The following ADAMTS13 variants were observed in gnomAD, a reference collection of about 807,000 sequenced individuals.
ADAMTS13 encodes A disintegrin and metalloproteinase with thrombospondin motifs 13.
Under a neutral mutation model 155.1 loss-of-function variants are expected in ADAMTS13, and 110 were observed. The ratio of observed to expected loss-of-function variants is 0.71; its 90% CI spans 0.61 to 0.83. ADAMTS13 has a LOEUF of 0.83. Among genes scored for constraint, ADAMTS13 ranks in the 40% least tolerant of loss-of-function variants. The pLI is 0.00. For missense variants in ADAMTS13, 1,707 were observed against 1,891.7 expected (o/e 0.90, Z 1.81); for synonymous variants, 758 against 756.4 (o/e 1.00, Z -0.03).
At chr9:133,455,176 T>C in intron 24 of ADAMTS13, 109 bp from the exon 25 acceptor site, 1 of 1,275,060 alleles carries the variant, frequency 7.8e-7, no homozygotes, top group South Asian at 1.3e-5. Context: ...CTTAACTGCC[T>C]CCCAGCTTGT....
intron 19 of ADAMTS13, 54 bp downstream of exon 19, chr9:133,443,615 C>T: frequency 2.0e-6 from 3 of 1,472,026 alleles, no homozygotes; most frequent in Non-Finnish European, 2.7e-6. Context: ...AGAGCTCGTC[C>T]CTGCGCTGAG....
intron 13 of ADAMTS13, 114 bp downstream of exon 13, chr9:133,438,011 G>A: frequency 6.4e-7 from 1 of 1,563,848 alleles, no homozygotes; most frequent in East Asian, 2.2e-5. Flanking sequence ...CCCTCTGCAG[G>A]GGAGTGGTGC....
Position 133,459,157 on chromosome 9 carries a change from TGGAAGGGAAA to T in ADAMTS13, c.4100_4109del (p.Gly1367GlufsTer6), listed in dbSNP as rs1300368076. 1.4e-5 allele frequency: 22 copies of T among 1,611,826 alleles called. No individual in the cohort carries two copies. The highest frequency in any genetic ancestry group is 4.5e-5 in the East Asian group (2 of 44,862). On this transcript the variant is annotated frameshift_variant, in exon 29 of 29. Coordinates refer to ENST00000355699, the MANE Select transcript of ADAMTS13 (RefSeq NM_139027.6). LOFTEE classifies it high-confidence loss of function. ...ACCGGAGATGCAGGACCCTCAGTCCTGGAAGGGAAAGGAAGGAACCTGAGGGTCATTGAAC... is the reference window on the plus strand; with the variant it reads ...ACCGGAGATGCAGGACCCTCAGTCCTGGAAGGAACCTGAGGGTCATTGAAC...
chr9:133,457,948 G>A lies in ADAMTS13; in HGVS notation c.3763G>A (p.Val1255Met), dbSNP rs782025840. Residue 1255 changes from valine (V) to methionine (M), a missense_variant, in exon 28 of 29, where the codon GTG (valine) becomes ATG (methionine). By Grantham distance (21) the Val-to-Met change is conservative. Around this residue, in one of 3 missense-constraint regions of ADAMTS13, gnomAD observed 961 missense variants for 1,107.9 expected, o/e 0.87. Coordinates refer to ENST00000355699, the MANE Select transcript of ADAMTS13 (RefSeq NM_139027.6). Reference sequence around the variant, plus strand: ...GCTCTTTGGGCCCTGGGGTGAAATCGTGAGCCCCTCGCTGAGTCCAGCCAC... The same window carrying A: ...GCTCTTTGGGCCCTGGGGTGAAATCATGAGCCCCTCGCTGAGTCCAGCCAC... ...MQLFGPWGEI[V>M]SPSLSPATSN... The A allele has an allele frequency of 9.9e-6, 16 of 1,613,694 alleles. No homozygotes were observed. The highest frequency in any genetic ancestry group is 2.7e-5 in the African/African-American group (2 of 74,944).
intron 12 of ADAMTS13, 41 bp from the exon 13 acceptor site, chr9:133,437,708 C>T (rs1841342980): frequency 6.8e-6 from 11 of 1,613,038 alleles, no homozygotes; most frequent in Non-Finnish European, 9.3e-6. Flanking sequence ...CTTGCCCCTC[C>T]TGCTCGGTTC....
intron 22 of ADAMTS13, among the ~76,000 whole-genome samples, chr9:133,449,370 G>A (rs148949656): frequency 6.6e-6 from 1 of 151,932 alleles, no homozygotes; most frequent in Non-Finnish European, 1.5e-5. Flanking sequence ...AATAGGACAG[G>A]CGGGGAATGC....
chr9:133,414,441 C>A, exon 1 of ADAMTS13: 1 of 694,956 alleles, frequency 1.4e-6, no homozygotes, highest in South Asian at 1.5e-5. Flanking sequence ...TGTACTGGCA[C>A]CCACTAAATG....
chr9:133,442,288 C>T (rs764344419), intron 16 of ADAMTS13, 111 bp from the exon 17 acceptor site: 2 of 1,552,610 alleles, frequency 1.3e-6, no homozygotes, highest in Non-Finnish European at 1.8e-6. Flanking sequence ...GCTTGCTGAA[C>T]GAAAGATTAT....
chr9:133,428,620 C>T lies in ADAMTS13; in HGVS notation c.687-14C>T. On this transcript the variant is annotated splice_polypyrimidine_tract_variant and intron_variant, in intron 6 of 28. Transcript: ENST00000355699. ...TGCCGGCCGCCTTAGCGCAACTCCC[C>T]GCCCCCCGACCAGCTTCGGCCTGGA... is the stretch of plus-strand genomic sequence containing the variant. The T allele has an allele frequency of 1.5e-6, 2 of 1,295,918 alleles. No individual in the cohort carries two copies. Among genetic ancestry groups the T allele is most frequent in the Non-Finnish European group, 2.0e-6 (2 of 1,020,346 alleles). 80.3% of individuals were successfully genotyped at this position (1,295,918 alleles called of 1,614,324 possible).
chr9:133,438,811 G>T (rs1300500223), intron 14 of ADAMTS13, among the ~76,000 whole-genome samples: 1 of 151,866 alleles, frequency 6.6e-6, no homozygotes, highest in East Asian at 1.9e-4. Flanking sequence ...CTACTCAGGA[G>T]GCTGAGGCAG....
intron 27 of ADAMTS13, among the ~76,000 whole-genome samples, 195 bp from the exon 28 acceptor site, chr9:133,457,715 C>T (rs587677914): frequency 2.0e-5 from 3 of 152,348 alleles, no homozygotes; most frequent in Admixed American, 6.5e-5. Context: ...GGAACCAGAG[C>T]CCAGAACATT....
At chr9:133,429,669 G>C (rs1440800613) in intron 7 of ADAMTS13, 3 of 657,384 alleles carry the variant, frequency 4.6e-6, no homozygotes, top group Non-Finnish European at 8.4e-6. Context: ...CCGCTCCCGG[G>C]CCTAACCTGC....
chr9:133,457,417 G>A (rs1842814818), intron 27 of ADAMTS13, among the ~76,000 whole-genome samples: 1 of 152,320 alleles, frequency 6.6e-6, no homozygotes, highest in East Asian at 1.9e-4. Flanking sequence ...CCAGTGCACA[G>A]GCGCTGCTGG....
intron 18 of ADAMTS13, 109 bp from the exon 19 acceptor site, chr9:133,443,267 T>C (rs782221271): frequency 4.5e-5 from 61 of 1,360,520 alleles, no homozygotes; most frequent in Non-Finnish European, 5.8e-5. Flanking sequence ...CTGGCCGTAG[T>C]GCCCATTGCT....
In ADAMTS13 at chr9:133,445,818, A is replaced by T; in HGVS notation, c.2730A>T (p.Arg910=). Residue 910 remains arginine (R), a splice_region_variant and synonymous_variant, in exon 21 of 29, where the codon CGA becomes CGT. Transcript: ENST00000355699. This position sits in a 1 kb window ranked among gnomAD's most constrained non-coding sequence, Gnocchi z 5.0. ...GGTCGTGCTCCGTCTCCTGCGGGCGAGGTGAGGGCCCCCGGGATGCTCCTG... is the reference window on the plus strand; with the variant it reads ...GGTCGTGCTCCGTCTCCTGCGGGCGTGGTGAGGGCCCCCGGGATGCTCCTG... ...AAGSCSVSCG[R]GLMELRFLCM... is the part of the protein sequence containing the mutation. 6.3e-7 allele frequency: 1 copy of T among 1,577,526 alleles called. No individual in the cohort carries two copies. The highest frequency in any genetic ancestry group is 8.7e-7 in the Non-Finnish European group (1 of 1,155,160).
chr9:133,426,248 C>G lies in ADAMTS13; in HGVS notation c.589C>G (p.Gln197Glu). The G allele has an allele frequency of 6.2e-7, 1 of 1,613,118 alleles. No homozygotes were observed. Among genetic ancestry groups the G allele is most frequent in the Non-Finnish European group, 8.5e-7 (1 of 1,179,996 alleles). Reference sequence around the variant, plus strand: ...TAACCGGCAGGTGCGGGGCGTCACCCAGCTGGGCGGTGCCTGCTCCCCAAC... The same window carrying G: ...TAACCGGCAGGTGCGGGGCGTCACCGAGCTGGGCGGTGCCTGCTCCCCAAC... Reference protein sequence around the residue: ...DGNRQVRGVTQLGGACSPTWS... With the variant: ...DGNRQVRGVTELGGACSPTWS... The change falls in exon 6 of 29, where the codon CAG (glutamine) becomes GAG (glutamate). Residue 197 changes from glutamine to glutamate, a missense_variant. Gln to Glu is a conservative substitution (Grantham distance 29). Coordinates refer to ENST00000355699, the MANE Select transcript of ADAMTS13 (RefSeq NM_139027.6).
At chr9:133,419,566 A>T (rs906749383), upstream of ADAMTS13, among the ~76,000 whole-genome samples, 1 of 152,110 alleles carries the variant, frequency 6.6e-6, no homozygotes, top group Non-Finnish European at 1.5e-5. Context: ...GAGGAGGCTG[A>T]GGGGGAGCAG....
intron 1 of ADAMTS13, among the ~76,000 whole-genome samples, 160 bp from the exon 2 acceptor site, chr9:133,422,934 CTTTTTTT>C (rs71281254): frequency 9.7e-5 from 9 of 93,226 alleles, no homozygotes; most frequent in South Asian, 4.4e-4. Context: ...CTCTCTCTCT[CTTTTTTT>C]TTTTTTTTTT....
At chr9:133,434,107 A>T (rs944245830) in intron 11 of ADAMTS13, among the ~76,000 whole-genome samples, 2 of 151,530 alleles carry the variant, frequency 1.3e-5, no homozygotes, top group East Asian at 2.0e-4. Context: ...AAAAAAAAAT[A>T]AAAATTAAAA....
Sources: allele counts gnomAD v4.1 joint callset (sites outside exome capture counted in the v4.1 genomes callset), GRCh38; gene constraint gnomAD v4.1.1; regional missense constraint gnomAD v4.1.1; non-coding constraint Gnocchi (gnomAD v3.1); transcripts MANE v1.5; gene names NCBI Gene and HGNC (gene_info 2026-07-23, HGNC 2026-07-21).